The following NCAM1 variants were observed in gnomAD, a reference collection of about 807,000 sequenced individuals.
NCAM1 encodes neural cell adhesion molecule 1, also known as antigen recognized by monoclonal antibody 5.1H11.
Under a neutral mutation model 109.8 loss-of-function variants are expected in NCAM1, and 14 were observed. The observed-to-expected ratio is 0.13, with a 90% confidence interval of 0.08 to 0.20. NCAM1 has a LOEUF of 0.20. Among genes scored for constraint, NCAM1 ranks in the 10% least tolerant of loss-of-function variants. The pLI, the probability that NCAM1 is intolerant of heterozygous loss-of-function variation, is 1.00. For synonymous variants in NCAM1, 418 were observed against 442.9 expected, an observed-to-expected ratio of 0.94 and a Z score of 0.70; for missense variants, 774 against 1,109.9, an observed-to-expected ratio of 0.70 and a Z score of 4.30.
chr11:113,180,293 G>A (rs1943292116), intron 1 of NCAM1, among the ~76,000 whole-genome samples: 1 of 152,220 alleles, frequency 6.6e-6, no homozygotes, highest in Non-Finnish European at 1.5e-5. Flanking sequence ...ATTGGATATG[G>A]ACTACCCAAA....
chr11:112,990,818 G>A (rs115472031), intron 1 of NCAM1, among the ~76,000 whole-genome samples: 1,878 of 152,246 alleles, frequency 0.012, 33 homozygotes, highest in African/African-American at 0.043. Context: ...CTGTCACCTC[G>A]GTGTAGTGCT....
chr11:113,059,015 G>T (rs1953821772), intron 1 of NCAM1, among the ~76,000 whole-genome samples: 1 of 152,116 alleles, frequency 6.6e-6, no homozygotes, highest in Admixed American at 6.6e-5. Flanking sequence ...TTTGTGCTCT[G>T]GACAAACAGC....
chr11:113,269,946 C>G, intron 17 of NCAM1: 1 of 563,490 alleles, frequency 1.8e-6, no homozygotes. Flanking sequence ...GCCAGCTGAC[C>G]AGGCTCACCC....
rs1950584431 is a variant in NCAM1, at chr11:112,962,218, G to T, written c.52+554G>T. Among the ~76,000 whole-genome samples, 1 of 152,216 alleles carries T rather than the reference G, an allele frequency of 6.6e-6. No individual in the cohort carries two copies. Among genetic ancestry groups the T allele is most frequent in the African/African-American group, 2.4e-5 (1 of 41,450 alleles). ...CAGAAGAATAACGGTTTGCAAAATGGGGCAAAATGGGCAGAATCGCACGGC... is the reference window on the plus strand; with the variant it reads ...CAGAAGAATAACGGTTTGCAAAATGTGGCAAAATGGGCAGAATCGCACGGC... On this transcript the variant is annotated intron_variant, in intron 1 of 19. Coordinates refer to ENST00000316851, the MANE Select transcript of NCAM1 (RefSeq NM_181351.5). This position sits in a 1 kb window ranked among gnomAD's most constrained non-coding sequence, Gnocchi z 5.6.
intron 17 of NCAM1, chr11:113,264,038 G>T: frequency 1.0e-6 from 1 of 985,346 alleles, no homozygotes; most frequent in Non-Finnish European, 1.2e-6. Flanking sequence ...AGAGGAAATG[G>T]GTGTGTTTTG....
intron 1 of NCAM1, among the ~76,000 whole-genome samples, chr11:113,172,506 A>G (rs1644570673): frequency 6.6e-6 from 1 of 152,114 alleles, no homozygotes. Flanking sequence ...TTGAGGATTG[A>G]TCTTGGTATG....
intron 1 of NCAM1, among the ~76,000 whole-genome samples, chr11:113,000,615 C>G (rs1951720694): frequency 6.6e-6 from 1 of 151,606 alleles, no homozygotes; most frequent in Non-Finnish European, 1.5e-5. Context: ...AAAATATAGC[C>G]TCCTAAGGTA....
Position 113,275,451 on chromosome 11 carries a change from TC to T in NCAM1, c.*66del. On this transcript the variant is annotated 3_prime_UTR_variant, in exon 20 of 20. Coordinates refer to ENST00000316851, the MANE Select transcript of NCAM1 (RefSeq NM_181351.5). Reference sequence around the variant, plus strand: ...GACACAGCAGCTTCACCAGAGCATTTCCAACACCACAGACACACACACGCAC... The same window carrying T: ...GACACAGCAGCTTCACCAGAGCATTTCAACACCACAGACACACACACGCAC... 6.4e-7 allele frequency: 1 copy of T among 1,565,936 alleles called. No homozygotes were observed. The highest frequency in any genetic ancestry group is 8.7e-7 in the Non-Finnish European group (1 of 1,153,216).
At chr11:112,971,903 C>G (rs1250086174) in intron 1 of NCAM1, among the ~76,000 whole-genome samples, 10 of 152,068 alleles carry the variant, frequency 6.6e-5, no homozygotes, top group African/African-American at 2.2e-4. Context: ...ATTAAAGAAA[C>G]CCAACTGTGG....
rs782510720 is a variant in NCAM1, at chr11:113,240,783, C to T, written c.1826-5585C>T. 1.2e-5 allele frequency: 19 copies of T among 1,613,176 alleles called. No homozygotes were observed. The African/African-American group carries it at 2.5e-4, about 22-fold the overall frequency. ...TTCCCCACCTTCATTTTTCTTTCTT[C>T]AGCGGCATCTGCTAGCTCGTCTACC... On this transcript the variant is annotated intron_variant, in intron 14 of 19. Coordinates refer to ENST00000316851, the MANE Select transcript of NCAM1 (RefSeq NM_181351.5).
chr11:113,137,670 A>G (rs1192796989), intron 1 of NCAM1, among the ~76,000 whole-genome samples: 1 of 152,236 alleles, frequency 6.6e-6, no homozygotes, highest in Non-Finnish European at 1.5e-5. Flanking sequence ...TACAGAATTC[A>G]TTATGGTGCA....
chr11:112,964,155 G>GGT (rs1950662506), intron 1 of NCAM1, among the ~76,000 whole-genome samples: 4 of 107,464 alleles, frequency 3.7e-5, no homozygotes, highest in Admixed American at 1.1e-4. Context: ...TTTTTTTTTT[G>GGT]TTTTTTTTTT....
intron 1 of NCAM1, among the ~76,000 whole-genome samples, chr11:112,966,006 C>G (rs1233415523): frequency 6.6e-6 from 1 of 152,154 alleles, no homozygotes. Context: ...CTCTCCTGCA[C>G]CAGTTCAGCA....
chr11:113,271,597 C>G (rs1203654041), intron 18 of NCAM1, among the ~76,000 whole-genome samples, 163 bp from the exon 19 acceptor site: 1 of 152,086 alleles, frequency 6.6e-6, no homozygotes, highest in African/African-American at 2.4e-5. Context: ...ATCTGAAGCT[C>G]AAGGTCACAC....
chr11:113,082,314 T>C (rs1938860506), intron 1 of NCAM1, among the ~76,000 whole-genome samples: 1 of 152,220 alleles, frequency 6.6e-6, no homozygotes, highest in Non-Finnish European at 1.5e-5. Context: ...ATTATACATT[T>C]TTTGATATGC....
At chr11:113,038,308 C>T (rs1207656457) in intron 1 of NCAM1, among the ~76,000 whole-genome samples, 1 of 152,208 alleles carries the variant, frequency 6.6e-6, no homozygotes, top group Admixed American at 6.5e-5. Flanking sequence ...AGATAATCCT[C>T]TCTGTGCAGA....
At position 113,232,125 on chromosome 11, in the gene NCAM1, C is replaced by T. The variant is rs1555117357; in HGVS notation, c.1241-45C>T. On this transcript the variant is annotated intron_variant, in intron 10 of 19. Coordinates refer to ENST00000316851, the MANE Select transcript of NCAM1 (RefSeq NM_181351.5). ...GCCAGGAGACAGGATATGGGGGCTT[C>T]ATAATCATGGCAGTCATCCTGACAG... is the stretch of plus-strand genomic sequence containing the variant. The T allele has an allele frequency of 2.0e-6, 3 of 1,517,566 alleles. No individual in the cohort carries two copies. In the African/African-American group the frequency reaches 4.1e-5, roughly 21 times the overall value. The allele number at this position is 1,517,566 out of a possible 1,614,324, so 94.0% of individuals were successfully genotyped here. A position where few individuals can be genotyped will look rare whatever the true frequency, so the allele number is the denominator to read the frequency against.
chr11:113,157,756 A>G (rs1457032761), intron 1 of NCAM1, among the ~76,000 whole-genome samples: 2 of 152,206 alleles, frequency 1.3e-5, no homozygotes, highest in Non-Finnish European at 2.9e-5. Context: ...TAAATTTTTC[A>G]AAACAAAAAG....
chr11:113,071,119 T>C (rs1167621398), intron 1 of NCAM1, among the ~76,000 whole-genome samples: 1 of 151,874 alleles, frequency 6.6e-6, no homozygotes, highest in Non-Finnish European at 1.5e-5. Flanking sequence ...TGAGGCCAAT[T>C]GGAAGAAAAA....
Sources: allele counts gnomAD v4.1 joint callset (sites outside exome capture counted in the v4.1 genomes callset), GRCh38; gene constraint gnomAD v4.1.1; non-coding constraint Gnocchi (gnomAD v3.1); transcripts MANE v1.5; gene names NCBI Gene and HGNC (gene_info 2026-07-23, HGNC 2026-07-21).